The following PCDHA6 variants were observed in gnomAD, a reference collection of about 807,000 sequenced individuals.
The protein encoded by PCDHA6 is protocadherin alpha-6.
A neutral mutation model predicts 60.3 loss-of-function variants in PCDHA6; 55 were observed. The observed-to-expected ratio is 0.91, with a 90% confidence interval of 0.73 to 1.14. PCDHA6 has a LOEUF of 1.14. Among genes scored for constraint, PCDHA6 ranks in the 50% most tolerant of loss-of-function variants. The pLI, the probability that PCDHA6 is intolerant of heterozygous loss-of-function variation, is 0.00. For missense variants in PCDHA6, 1,327 were observed against 1,256.5 expected (o/e 1.06, Z -0.85); for synonymous variants, 652 against 557.9 (o/e 1.17, Z -2.38).
rs184346855 is a variant in PCDHA6 at position 140,854,945 on chromosome 5, A to C, written c.2394+24460A>C. 2.0e-5 allele frequency among the ~76,000 whole-genome samples: 3 copies of C among 150,054 alleles called. 1 individual carries two copies. Among genetic ancestry groups the C allele is most frequent in the African/African-American group, 7.3e-5 (3 of 41,022 alleles). ...TTTGCCTCTGAAAGCAGAAATAATA[A>C]ATTTCTTAATTACTTTATTCAGAAT... On this transcript the variant is annotated intron_variant, in intron 1 of 3. Transcript: ENST00000529310.
In PCDHA6 at chr5:140,843,131, A is replaced by T. The variant is rs1778597379; in HGVS notation, c.2394+12646A>T. 3 of 1,596,044 alleles carry T rather than the reference A, an allele frequency of 1.9e-6. No homozygotes were observed. The African/African-American group carries it at 4.0e-5, about 21-fold the overall frequency. On this transcript the variant is annotated intron_variant, in intron 1 of 3. Coordinates refer to ENST00000529310, the MANE Select transcript of PCDHA6 (RefSeq NM_018909.4). ...CGCAGTGGACGCCGACTCGGGCTAC[A>T]ACGCGTGGCTTTCGTATGAGCTGCA...
chr5:140,989,696 T>G (rs1554251011), intron 3 of PCDHA6, among the ~76,000 whole-genome samples: 1 of 152,216 alleles, frequency 6.6e-6, no homozygotes, highest in African/African-American at 2.4e-5. Flanking sequence ...CGTGAAAATT[T>G]TATCTTCAGA....
chr5:140,830,787 T>C (rs1771244520), intron 1 of PCDHA6: 1 of 162,314 alleles, frequency 6.2e-6, no homozygotes, highest in Non-Finnish European at 1.3e-5. Flanking sequence ...TTTTTTCTGA[T>C]TAATTATATG....
At chr5:140,983,739 G>A (rs983923811) in intron 3 of PCDHA6, among the ~76,000 whole-genome samples, 1 of 152,194 alleles carries the variant, frequency 6.6e-6, no homozygotes, top group African/African-American at 2.4e-5. Context: ...TGGCTGGCTT[G>A]CAATAATCCA....
intron 1 of PCDHA6, among the ~76,000 whole-genome samples, chr5:140,891,452 T>C (rs1554184844): frequency 6.7e-6 from 1 of 150,254 alleles, no homozygotes; most frequent in African/African-American, 2.4e-5. Flanking sequence ...ATAGGATTTT[T>C]GAATTTGTGA....
At chr5:140,841,587 G>C in intron 1 of PCDHA6, 1 of 1,614,074 alleles carries the variant, frequency 6.2e-7, no homozygotes, top group Non-Finnish European at 8.5e-7. Context: ...GTGAATTCTC[G>C]GATCGACCGC....
At chr5:140,850,365 G>C in intron 1 of PCDHA6, 1 of 1,597,962 alleles carries the variant, frequency 6.3e-7, no homozygotes, top group Middle Eastern at 1.7e-4. Flanking sequence ...CCCGTTCCGC[G>C]TGGGGCTGTA....
chr5:140,904,265 T>C (rs2070995327), intron 1 of PCDHA6, among the ~76,000 whole-genome samples: 1 of 152,118 alleles, frequency 6.6e-6, no homozygotes, highest in Non-Finnish European at 1.5e-5. Context: ...CTCCCACTTA[T>C]GAATGAGAAC....
At chr5:140,849,515 T>A (rs1400528164) in intron 1 of PCDHA6, 1 of 1,596,878 alleles carries the variant, frequency 6.3e-7, no homozygotes, top group Non-Finnish European at 8.6e-7. Flanking sequence ...TTGTGGAAGT[T>A]GTGGATGTAA....
chr5:140,848,879 C>T (rs2150423372), intron 1 of PCDHA6: 26 of 1,590,952 alleles, frequency 1.6e-5, no homozygotes, highest in Admixed American at 1.2e-4. Flanking sequence ...ACATTAACGA[C>T]AACCCTCCAG....
At chr5:140,971,661 TAGAG>T (rs2096491377) in intron 1 of PCDHA6, among the ~76,000 whole-genome samples, 1 of 152,064 alleles carries the variant, frequency 6.6e-6, no homozygotes, top group Non-Finnish European at 1.5e-5. Context: ...AGATGGGAAT[TAGAG>T]AGGAAGAGTA....
chr5:140,983,806 G>T (rs981942088), intron 3 of PCDHA6, among the ~76,000 whole-genome samples: 1 of 152,110 alleles, frequency 6.6e-6, no homozygotes, highest in Non-Finnish European at 1.5e-5. Flanking sequence ...GTGTGTAAAA[G>T]GTTTTTTCCC....
chr5:141,001,936 C>A (rs1440677153), intron 3 of PCDHA6, among the ~76,000 whole-genome samples: 3 of 151,788 alleles, frequency 2.0e-5, no homozygotes, highest in Non-Finnish European at 2.9e-5. Context: ...GGGTGGTGAG[C>A]GGAAATAAGG....
At chr5:140,883,008 AT>A in intron 1 of PCDHA6, 1 of 1,614,178 alleles carries the variant, frequency 6.2e-7, no homozygotes, top group Non-Finnish European at 8.5e-7. Context: ...CAATCCGTTT[AT>A]AAAGTGACGG....
chr5:140,898,118 A>T (rs2153459272), intron 1 of PCDHA6, among the ~76,000 whole-genome samples: 1 of 151,730 alleles, frequency 6.6e-6, no homozygotes, highest in Non-Finnish European at 1.5e-5. Context: ...GGTTGCGAAA[A>T]TTTTCTCCCA....
At chr5:140,842,871 T>G in intron 1 of PCDHA6, 1 of 1,593,666 alleles carries the variant, frequency 6.3e-7, no homozygotes, top group Non-Finnish European at 8.6e-7. Context: ...AGCGGCAAGG[T>G]GTACGCGCTG....
At position 140,858,238 on chromosome 5, in the gene PCDHA6, T is replaced by C. The variant is rs1351813678; in HGVS notation, c.2394+27753T>C. 3.1e-6 allele frequency: 5 copies of C among 1,595,920 alleles called. 1 individual carries two copies. Among genetic ancestry groups the C allele is most frequent in the Non-Finnish European group, 4.3e-6 (5 of 1,166,390 alleles). ...CGGCGGCGCCCACCGAGGGCGCATGTGGGCCGGTGAAGCCCACGCTGGTGT... is the reference window on the plus strand; with the variant it reads ...CGGCGGCGCCCACCGAGGGCGCATGCGGGCCGGTGAAGCCCACGCTGGTGT... On this transcript the variant is annotated intron_variant, in intron 1 of 3. Coordinates refer to ENST00000529310, the MANE Select transcript of PCDHA6 (RefSeq NM_018909.4).
intron 1 of PCDHA6, chr5:140,881,180 T>C: frequency 6.0e-6 from 1 of 167,460 alleles, no homozygotes; most frequent in Non-Finnish European, 1.2e-5. Context: ...TTTTCCTTGC[T>C]AAAGATATGT....
intron 1 of PCDHA6, chr5:140,851,093 TA>T: frequency 1.5e-6 from 2 of 1,294,092 alleles, no homozygotes; most frequent in Admixed American, 2.9e-5. Flanking sequence ...ATTAAATAGA[TA>T]TTTTTTGGGT....
Sources: allele counts gnomAD v4.1 joint callset (sites outside exome capture counted in the v4.1 genomes callset), GRCh38; gene constraint gnomAD v4.1.1; transcripts MANE v1.5; gene names NCBI Gene and HGNC (gene_info 2026-07-23, HGNC 2026-07-21).